The following RANBP2 variants were observed in gnomAD, a reference collection of about 807,000 sequenced individuals.
RANBP2 encodes the protein E3 SUMO-protein ligase RanBP2.
In RANBP2, 57 loss-of-function variants were observed where a neutral mutation model predicts 303.6. That is an observed-to-expected ratio of 0.19 (90% CI 0.15 to 0.23). The LOEUF (loss-of-function observed/expected upper bound fraction) is 0.23, where lower values mean the gene tolerates loss of function less well. RANBP2 is among the 10% of genes least tolerant of loss of function. RANBP2 has a pLI of 1.00. For synonymous variants in RANBP2, 1,167 were observed against 1,301.5 expected, an observed-to-expected ratio of 0.90 and a Z score of 2.23; for missense variants, 3,138 against 3,780.8, an observed-to-expected ratio of 0.83 and a Z score of 4.46.
chr2:109,625,392 T>C, the RANBP2 span, among the ~76,000 whole-genome samples: 3 of 151,678 alleles, frequency 2.0e-5, no homozygotes, highest in African/African-American at 2.4e-5. Context: ...CAATGGCTCA[T>C]GCCTGTAATC....
the RANBP2 span, among the ~76,000 whole-genome samples, chr2:109,079,440 T>C: frequency 4.6e-5 from 7 of 152,236 alleles, no homozygotes; most frequent in Non-Finnish European, 8.8e-5. Context: ...GATTTTTTAC[T>C]GTTCGGGGAG....
At chr2:109,281,196 C>T in the RANBP2 span, among the ~76,000 whole-genome samples, 6 of 152,250 alleles carry the variant, frequency 3.9e-5, no homozygotes, top group African/African-American at 1.4e-4. Context: ...CCCTGTCCCT[C>T]CTGCGACCCC....
chr2:109,354,622 G>A, the RANBP2 span, among the ~76,000 whole-genome samples: 36 of 152,252 alleles, frequency 2.4e-4, no homozygotes, highest in African/African-American at 8.2e-4. Flanking sequence ...TGATATGTGA[G>A]CTGCGATATT....
At chr2:109,034,267 T>C in the RANBP2 span, among the ~76,000 whole-genome samples, 1 of 47,778 alleles carries the variant, frequency 2.1e-5, no homozygotes, top group Non-Finnish European at 3.8e-5. Flanking sequence ...TGAGACTCCA[T>C]CTCAAAAAAA....
At chr2:108,831,490 G>T in the RANBP2 span, among the ~76,000 whole-genome samples, 1 of 152,126 alleles carries the variant, frequency 6.6e-6, no homozygotes, top group Non-Finnish European at 1.5e-5. Flanking sequence ...AGGGGATAAA[G>T]ATATAAATGA....
At chr2:108,978,144 C>T in the RANBP2 span, among the ~76,000 whole-genome samples, 1 of 152,244 alleles carries the variant, frequency 6.6e-6, no homozygotes, top group African/African-American at 2.4e-5. Flanking sequence ...ACAGGTCCCG[C>T]CCCTGTAATG....
At chr2:109,302,622 T>G in the RANBP2 span, among the ~76,000 whole-genome samples, 1 of 152,200 alleles carries the variant, frequency 6.6e-6, no homozygotes, top group Non-Finnish European at 1.5e-5. Flanking sequence ...GCGTAGGGGA[T>G]TAGCCAGCCC....
intron 13 of RANBP2, 107 bp downstream of exon 13, chr2:108,753,266 A>T (rs1298340798): frequency 6.2e-7 from 1 of 1,604,364 alleles, no homozygotes; most frequent in East Asian, 2.2e-5. Context: ...ATTTAATGGT[A>T]ATCTTGTTTT....
the RANBP2 span, chr2:109,449,636 G>A: frequency 9.9e-6 from 11 of 1,110,062 alleles, no homozygotes; most frequent in African/African-American, 1.8e-4. Context: ...GCGTGTGACA[G>A]AGAGGGAGCC....
At chr2:109,094,754 C>T in the RANBP2 span, among the ~76,000 whole-genome samples, 2 of 152,048 alleles carry the variant, frequency 1.3e-5, no homozygotes, top group Non-Finnish European at 2.9e-5. Context: ...CACTTCAACT[C>T]GAGAGGTGGA....
chr2:109,171,158 T>C, the RANBP2 span, among the ~76,000 whole-genome samples: 1 of 152,228 alleles, frequency 6.6e-6, no homozygotes, highest in African/African-American at 2.4e-5. Context: ...TGTTTTGTTT[T>C]ATATATATGT....
chr2:109,299,842 T>C, the RANBP2 span, among the ~76,000 whole-genome samples: 2 of 152,192 alleles, frequency 1.3e-5, no homozygotes, highest in Non-Finnish European at 2.9e-5. Flanking sequence ...ACCCAGCATG[T>C]ACAGCCAGGC....
chr2:109,268,672 C>T, the RANBP2 span, among the ~76,000 whole-genome samples: 9 of 152,198 alleles, frequency 5.9e-5, no homozygotes, highest in African/African-American at 2.2e-4. Flanking sequence ...TGAGTTCCTA[C>T]ACAATCACTC....
At chr2:109,438,780 G>T in the RANBP2 span, among the ~76,000 whole-genome samples, 3 of 152,320 alleles carry the variant, frequency 2.0e-5, no homozygotes, top group Admixed American at 6.5e-5. Context: ...GTGATCTGAA[G>T]TTGTGCTCCC....
intron 8 of RANBP2, among the ~76,000 whole-genome samples, chr2:108,748,374 ATTTTTTTT>A (rs34247750): frequency 7.6e-6 from 1 of 130,748 alleles, no homozygotes; most frequent in Admixed American, 7.7e-5. Context: ...GGGCCGGCTA[ATTTTTTTT>A]TTTTTTTTTT....
chr2:108,830,080 T>G, the RANBP2 span, among the ~76,000 whole-genome samples: 1 of 152,174 alleles, frequency 6.6e-6, no homozygotes, highest in Non-Finnish European at 1.5e-5. Context: ...ACAAGACTAT[T>G]ATTCAGGCAT....
At chr2:108,843,252 G>T in the RANBP2 span, among the ~76,000 whole-genome samples, 8 of 152,066 alleles carry the variant, frequency 5.3e-5, no homozygotes, top group Non-Finnish European at 1.0e-4. Context: ...CCGTCTGCTG[G>T]GTTCAAACCA....
chr2:108,988,443 T>C, the RANBP2 span, among the ~76,000 whole-genome samples: 35,757 of 151,624 alleles, frequency 0.24, 5,902 homozygotes, highest in East Asian at 0.84. Flanking sequence ...CTTCTCTCCC[T>C]CTCCCCGCTC....
the RANBP2 span, among the ~76,000 whole-genome samples, chr2:108,852,909 C>G: frequency 6.6e-6 from 1 of 152,050 alleles, no homozygotes; most frequent in South Asian, 2.1e-4. Context: ...ATAAAAAAAC[C>G]CAACCATTAC....
Sources: gnomAD v4.1 joint callset for allele counts (sites outside exome capture counted in the v4.1 genomes callset) on GRCh38, gnomAD v4.1.1 for gene constraint, MANE v1.5 for transcripts, NCBI Gene and HGNC (gene_info 2026-07-23, HGNC 2026-07-21) for gene names.